SPON2: variants seen among roughly 807,000 people sequenced by gnomAD.
SPON2 encodes spondin 2, also known as spondin-2.
In SPON2, 32 loss-of-function variants were observed where a neutral mutation model predicts 29.9. The ratio of observed to expected loss-of-function variants is 1.07; its 90% confidence interval spans 0.81 to 1.44. The LOEUF is 1.44. SPON2 is among the 40% of genes most tolerant of loss of function. The pLI, the probability that SPON2 is intolerant of heterozygous loss-of-function variation, is 0.00. For synonymous variants in SPON2, 248 were observed against 209.1 expected (o/e 1.19, Z -1.61); for missense variants, 541 against 455.5 (o/e 1.19, Z -1.71).
chr4:1,181,952 A>G (rs1207326373), intron 1 of SPON2, among the ~76,000 whole-genome samples: 1 of 152,170 alleles, frequency 6.6e-6, no homozygotes, highest in Admixed American at 6.5e-5. Context: ...AGACTAGGAC[A>G]TTCAAAAGCA....
At chr4:1,194,629 C>T (rs1727998693) in intron 1 of SPON2, among the ~76,000 whole-genome samples, 1 of 152,170 alleles carries the variant, frequency 6.6e-6, no homozygotes, top group Non-Finnish European at 1.5e-5. Context: ...CCTGCTCTGG[C>T]CCGCGGGACC....
At chr4:1,178,490 C>T (rs1163953717) in intron 2 of SPON2, among the ~76,000 whole-genome samples, 3 of 152,100 alleles carry the variant, frequency 2.0e-5, no homozygotes, top group African/African-American at 7.2e-5. Flanking sequence ...CCCTCCTCTT[C>T]AGCACCCGCT....
At chr4:1,204,107 A>G (rs535533460) in intron 1 of SPON2, among the ~76,000 whole-genome samples, 2 of 152,164 alleles carry the variant, frequency 1.3e-5, no homozygotes, top group African/African-American at 4.8e-5. Flanking sequence ...CCTGACCTCA[A>G]ATGGTCCCCC....
chr4:1,178,471 C>A (rs1437943387), intron 2 of SPON2, among the ~76,000 whole-genome samples: 2 of 152,162 alleles, frequency 1.3e-5, no homozygotes, highest in Non-Finnish European at 2.9e-5. Flanking sequence ...CCGCCCCACT[C>A]TCCTCTGTCC....
chr4:1,192,221 C>T (rs188547561), intron 1 of SPON2, among the ~76,000 whole-genome samples: 69 of 152,310 alleles, frequency 4.5e-4, no homozygotes, highest in Admixed American at 2.7e-3. Flanking sequence ...TGCTTTAGCA[C>T]AGAGATAATC....
intron 1 of SPON2, among the ~76,000 whole-genome samples, chr4:1,189,793 C>T (rs1727875393): frequency 6.6e-6 from 1 of 151,366 alleles, no homozygotes; most frequent in Non-Finnish European, 1.5e-5. Flanking sequence ...TCGAGACCAT[C>T]CTAGCTAAGA....
At chr4:1,176,436 C>T (rs142139658), upstream of SPON2, among the ~76,000 whole-genome samples, 453 of 150,594 alleles carry the variant, frequency 3.0e-3, 1 homozygote, top group Non-Finnish European at 5.7e-3. Flanking sequence ...TCAAATAGTA[C>T]ATTCATTCAT....
At chr4:1,196,555 C>A (rs979021443), upstream of SPON2, among the ~76,000 whole-genome samples, 3 of 152,334 alleles carry the variant, frequency 2.0e-5, no homozygotes, top group Admixed American at 6.5e-5. Flanking sequence ...CTGCAGTGAC[C>A]AGGGTTGCTG....
Position 1,201,728 on chromosome 4 carries a change from G to A in SPON2, c.-234+6152C>T, listed in dbSNP as rs529853624. Among the ~76,000 whole-genome samples, 44 of 152,154 alleles carry A rather than the reference G, an allele frequency of 2.9e-4. No individual in the cohort carries two copies. In the South Asian group the frequency reaches 8.9e-3, roughly 31 times the overall value. On this transcript the variant is annotated intron_variant, in intron 1 of 3. Transcript: ENST00000509233. ...CTCCTGAGTAGCTGGGATTACAGGC[G>A]CCGGTTGCCACGCCCGGCTAATTTT...
At chr4:1,184,805 T>G (rs1490326887) in intron 1 of SPON2, among the ~76,000 whole-genome samples, 1 of 151,704 alleles carries the variant, frequency 6.6e-6, no homozygotes, top group Admixed American at 6.6e-5. Flanking sequence ...GGTGTCATAG[T>G]GTGTGCCAGT....
intron 1 of SPON2, among the ~76,000 whole-genome samples, chr4:1,194,632 G>A (rs931075061): frequency 5.9e-5 from 9 of 152,160 alleles, no homozygotes; most frequent in African/African-American, 1.9e-4. Flanking sequence ...GCTCTGGCCC[G>A]CGGGACCTGC....
chr4:1,187,018 A>G (rs1159809270), intron 1 of SPON2, among the ~76,000 whole-genome samples: 1 of 152,242 alleles, frequency 6.6e-6, no homozygotes, highest in Non-Finnish European at 1.5e-5. Flanking sequence ...CCACATTGCA[A>G]CTGTGGGTAT....
At chr4:1,190,261 C>T (rs1450878130) in intron 1 of SPON2, among the ~76,000 whole-genome samples, 1 of 147,104 alleles carries the variant, frequency 6.8e-6, no homozygotes, top group East Asian at 2.0e-4. Context: ...AGACCTAACA[C>T]AAATGAAGAG....
rs559033530 is a variant in SPON2, at chr4:1,167,815, G to A, written c.812-159C>T. 1.9e-4 allele frequency: 129 copies of A among 695,472 alleles called. 2 individuals are homozygous for A. The South Asian group carries it at 3.1e-3, about 17-fold the overall frequency. The allele number at this position is 695,472 out of a possible 1,614,324, so 43.1% of individuals were successfully genotyped here. A position where few individuals can be genotyped will look rare whatever the true frequency, so the allele number is the denominator to read the frequency against. Reference sequence around the variant, plus strand: ...CGCACAGTCGCAGAGTGAGCGGCAAGATGGGATGGCACCATAGCAACCTCG... The same window carrying A: ...CGCACAGTCGCAGAGTGAGCGGCAAAATGGGATGGCACCATAGCAACCTCG... On this transcript the variant is annotated intron_variant, in intron 5 of 5. Coordinates refer to ENST00000290902, the MANE Select transcript of SPON2 (RefSeq NM_012445.4).
chr4:1,197,496 C>T (rs1029117868), upstream of SPON2, among the ~76,000 whole-genome samples: 3 of 152,056 alleles, frequency 2.0e-5, no homozygotes, highest in Admixed American at 6.5e-5. Flanking sequence ...CCATAAATAT[C>T]GAGGACTCAG....
At chr4:1,195,216 G>T (rs993764021), upstream of SPON2, 1 of 152,362 alleles carries the variant, frequency 6.6e-6, no homozygotes, top group Non-Finnish European at 1.5e-5. Flanking sequence ...GAGATGGCCC[G>T]AGGCTGGTGC....
chr4:1,171,623 C>G (rs976370148), intron 2 of SPON2, 137 bp from the exon 3 acceptor site: 4 of 966,488 alleles, frequency 4.1e-6, no homozygotes, highest in Non-Finnish European at 6.1e-6. Flanking sequence ...ACCGTGACAC[C>G]CTGTGGCTGC....
chr4:1,170,735 C>T (rs1046505780), intron 4 of SPON2, 159 bp from the exon 5 acceptor site: 3 of 1,066,226 alleles, frequency 2.8e-6, no homozygotes, highest in East Asian at 2.6e-5. Flanking sequence ...CCACGGAACA[C>T]GGGCTGGAAA....
intron 1 of SPON2, among the ~76,000 whole-genome samples, chr4:1,193,777 C>T (rs62293585): frequency 0.038 from 36 of 956 alleles, 1 homozygote; most frequent in South Asian, 0.14. Context: ...TGGGGGGTGG[C>T]GTGGGAAGGA....
Sources: allele counts gnomAD v4.1 joint callset (sites outside exome capture counted in the v4.1 genomes callset), GRCh38; gene constraint gnomAD v4.1.1; transcripts MANE v1.5; gene names NCBI Gene and HGNC (gene_info 2026-07-23, HGNC 2026-07-21).